The following EVI5L variants were observed in gnomAD, a reference collection of about 807,000 sequenced individuals.
The protein encoded by EVI5L is ecotropic viral integration site 5 like.
Under a neutral mutation model 106.1 loss-of-function variants are expected in EVI5L, and 30 were observed. The observed-to-expected ratio is 0.28, with a 90% CI of 0.21 to 0.38. The LOEUF (loss-of-function observed/expected upper bound fraction) is 0.38, where lower values mean the gene tolerates loss of function less well. Ranked by LOEUF, EVI5L falls within the 10% of genes least tolerant of loss-of-function variation. The probability of loss-of-function intolerance (pLI) is 1.00; values close to 1 mark genes in which losing one functional copy is unlikely to be tolerated. For missense variants in EVI5L, 809 were observed against 1,098.0 expected (o/e 0.74, Z 3.72); for synonymous variants, 489 against 483.3 (o/e 1.01, Z -0.15).
rs1187578537 is a variant in EVI5L at position 7,862,028 on chromosome 19, G to A, written c.1644+10G>A. On this transcript the variant is annotated intron_variant, in intron 15 of 19. Coordinates refer to ENST00000538904, the MANE Select transcript of EVI5L (RefSeq NM_001159944.3). ...CTCGGACACCTGGCAGGTGAGGGCC[G>A]GGTGGGCGCCGGCGGGCAGAGCGCC... 9 of 1,542,582 alleles carry A rather than the reference G, an allele frequency of 5.8e-6. No homozygotes were observed. The highest frequency in any genetic ancestry group is 2.7e-5 in the African/African-American group (2 of 72,956).
chr19:7,860,205 CCCA>C (rs1979731417), intron 13 of EVI5L, among the ~76,000 whole-genome samples: 1 of 152,178 alleles, frequency 6.6e-6, no homozygotes, highest in Admixed American at 6.5e-5. Context: ...CCCTGCCTCG[CCCA>C]CCATGTGGCT....
chr19:7,862,006 G>A lies in EVI5L; in HGVS notation c.1632G>A (p.Ser544=), dbSNP rs888332469. Residue 544 remains serine (S), a synonymous_variant, in exon 15 of 20, where the codon TCG becomes TCA. Coordinates refer to ENST00000538904, the MANE Select transcript of EVI5L (RefSeq NM_001159944.3). ...RELKLQLQEL[S]DTWQAHLARG... Reference sequence around the variant, plus strand: ...TTAAACTGCAGCTGCAGGAGCTCTCGGACACCTGGCAGGTGAGGGCCGGGT... The same window carrying A: ...TTAAACTGCAGCTGCAGGAGCTCTCAGACACCTGGCAGGTGAGGGCCGGGT... 2.5e-5 allele frequency: 38 copies of A among 1,547,160 alleles called. No individual in the cohort carries two copies. Among genetic ancestry groups the A allele is most frequent in the Non-Finnish European group, 3.1e-5 (36 of 1,145,680 alleles).
chr19:7,855,925 G>C (rs1432570507), intron 10 of EVI5L, 90 bp from the exon 11 acceptor site: 10 of 1,215,686 alleles, frequency 8.2e-6, no homozygotes, highest in Non-Finnish European at 1.1e-5. Context: ...CTGGCCCTAA[G>C]GGGACTGACC....
At position 7,858,361 on chromosome 19, in the gene EVI5L, G is replaced by A. The variant is rs754410125; in HGVS notation, c.1374+30G>A. ...GGGCGGGTGTGCGGGGCTGCTGGGC[G>A]GGGCCATGACCCGCGCCCCCGCCCC... is the stretch of plus-strand genomic sequence containing the variant. On this transcript the variant is annotated intron_variant, in intron 13 of 19. Transcript: ENST00000538904. This position sits in a 1 kb window ranked among gnomAD's most constrained non-coding sequence, Gnocchi z 5.7. 1.9e-4 allele frequency: 294 copies of A among 1,533,202 alleles called. 1 individual carries two copies. Among genetic ancestry groups the A allele is most frequent in the Middle Eastern group, 4.6e-4 (2 of 4,356 alleles). 95.0% of individuals were successfully genotyped at this position (1,533,202 alleles called of 1,614,324 possible). A position where few individuals can be genotyped will look rare whatever the true frequency, so the allele number is the denominator to read the frequency against.
At chr19:7,855,808 C>A (rs796449282) in intron 10 of EVI5L, among the ~76,000 whole-genome samples, 9 of 152,258 alleles carry the variant, frequency 5.9e-5, no homozygotes, top group African/African-American at 2.2e-4. Context: ...TGTTTTAAAA[C>A]TTTATTTTTT....
chr19:7,861,850 C>A (rs1397543833), intron 14 of EVI5L, 28 bp from the exon 15 acceptor site: 1 of 1,549,814 alleles, frequency 6.5e-7, no homozygotes, highest in Non-Finnish European at 8.7e-7. Context: ...CGCTGCTCCC[C>A]CAGGCCCTGA....
chr19:7,853,178 G>A lies in EVI5L; in HGVS notation c.1080G>A (p.Met360Ile). The A allele has an allele frequency of 6.2e-7, 1 of 1,614,104 alleles. No individual in the cohort carries two copies. Residue 360 changes from methionine to isoleucine, a missense_variant, in exon 9 of 20, where the codon ATG becomes ATA. Around this residue, in one of 2 missense-constraint regions of EVI5L, gnomAD observed 357 missense variants for 588.1 expected, o/e 0.61. Coordinates refer to ENST00000538904, the MANE Select transcript of EVI5L (RefSeq NM_001159944.3). ...AYQVKYNPKK[M>I]KRLEKEYAAM... ...AGGTCAAGTACAACCCCAAGAAGATGAAGAGGTCGGTGCCTGCTGGGCAAC... is the reference window on the plus strand; with the variant it reads ...AGGTCAAGTACAACCCCAAGAAGATAAAGAGGTCGGTGCCTGCTGGGCAAC...
intron 14 of EVI5L, among the ~76,000 whole-genome samples, chr19:7,861,258 C>T (rs555889171): frequency 6.6e-6 from 1 of 152,340 alleles, no homozygotes; most frequent in African/African-American, 2.4e-5. Flanking sequence ...CTTCCAGGCC[C>T]TCATCACCAG....
rs1979059192 is a variant in EVI5L at position 7,848,272 on chromosome 19, A to G, written c.327+351A>G. 6.6e-6 allele frequency among the ~76,000 whole-genome samples: 1 copy of G among 151,570 alleles called. No individual in the cohort carries two copies. The highest frequency in any genetic ancestry group is 2.4e-5 in the African/African-American group (1 of 41,238). On this transcript the variant is annotated intron_variant, in intron 3 of 19. Coordinates refer to ENST00000538904, the MANE Select transcript of EVI5L (RefSeq NM_001159944.3). This position sits in a 1 kb window ranked among gnomAD's most constrained non-coding sequence, Gnocchi z 4.8. ...GTTCGAGGCCAGCCTGGGCAACGTA[A>G]TGAGACTCCGACTCTATAAAAAGTT...
chr19:7,842,554 ATG>A (rs1015833752), intron 1 of EVI5L, among the ~76,000 whole-genome samples: 17 of 141,880 alleles, frequency 1.2e-4, no homozygotes, highest in African/African-American at 2.7e-4. Flanking sequence ...AAGTGTGTGT[ATG>A]TGTGTGAATT....
intron 17 of EVI5L, 138 bp downstream of exon 17, chr19:7,862,672 C>A: frequency 2.7e-6 from 2 of 750,032 alleles, no homozygotes; most frequent in South Asian, 3.6e-5. Context: ...CGCCCCCGCC[C>A]GCGGCCCCGC....
Position 7,835,760 on chromosome 19 carries a change from C to T in EVI5L, c.-48+5379C>T, listed in dbSNP as rs966683592. Among the ~76,000 whole-genome samples, 1 of 152,168 alleles carries T rather than the reference C, an allele frequency of 6.6e-6. No homozygotes were observed. Among genetic ancestry groups the T allele is most frequent in the Non-Finnish European group, 1.5e-5 (1 of 68,034 alleles). ...GGCAGCTCACCTGTCAGTTGTCCGC[C>T]CACACCTTGCCAAGGACGAGAGGAC... On this transcript the variant is annotated intron_variant, in intron 1 of 19. Transcript: ENST00000538904. The surrounding 1 kb of genome is among the most constrained non-coding windows in gnomAD (Gnocchi z 4.1).
At chr19:7,836,951 A>G (rs1398177158) in intron 1 of EVI5L, among the ~76,000 whole-genome samples, 1 of 151,832 alleles carries the variant, frequency 6.6e-6, no homozygotes, top group Non-Finnish European at 1.5e-5. Flanking sequence ...TATTTTTAAA[A>G]TAGACTTGGG....
Position 7,848,352 on chromosome 19 carries a change from G to A in EVI5L, c.327+431G>A, listed in dbSNP as rs759996242. Among the ~76,000 whole-genome samples, 20 of 152,092 alleles carry A rather than the reference G, an allele frequency of 1.3e-4. No individual in the cohort carries two copies. Among genetic ancestry groups the A allele is most frequent in the African/African-American group, 1.7e-4 (7 of 41,412 alleles). On this transcript the variant is annotated intron_variant, in intron 3 of 19. Transcript: ENST00000538904. The surrounding 1 kb of genome is among the most constrained non-coding windows in gnomAD (Gnocchi z 4.8). ...TGGCTCACGCCTGTAATCCCAGTTCGTTGGAAGGTCGAGGCAGGCAGATCA... is the reference window on the plus strand; with the variant it reads ...TGGCTCACGCCTGTAATCCCAGTTCATTGGAAGGTCGAGGCAGGCAGATCA...
intron 1 of EVI5L, among the ~76,000 whole-genome samples, chr19:7,836,385 A>G (rs1978346104): frequency 6.6e-6 from 1 of 152,232 alleles, no homozygotes; most frequent in Admixed American, 6.5e-5. Flanking sequence ...TTGAAAAATA[A>G]TGACTGTTTT....
chr19:7,831,836 C>T (rs943846441), intron 1 of EVI5L, among the ~76,000 whole-genome samples: 3 of 152,250 alleles, frequency 2.0e-5, no homozygotes, highest in Admixed American at 6.5e-5. Flanking sequence ...AGAGCTGGCC[C>T]CTGACAGCCC....
chr19:7,830,670 A>G (rs1252658480), intron 1 of EVI5L, among the ~76,000 whole-genome samples: 1 of 110,006 alleles, frequency 9.1e-6, no homozygotes, highest in African/African-American at 3.5e-5. Context: ...CACCCTTTGC[A>G]GTGACCCTCA....
intron 5 of EVI5L, 91 bp downstream of exon 5, chr19:7,849,421 C>T (rs1055919226): frequency 5.8e-6 from 8 of 1,378,474 alleles, no homozygotes; most frequent in Non-Finnish European, 8.1e-6. Flanking sequence ...GCGTGTCCTC[C>T]ACCCAGCGTC....
At position 7,851,484 on chromosome 19, in the gene EVI5L, A is replaced by G. The variant is rs746882493; in HGVS notation, c.804A>G (p.Thr268=). ...ACTTCCGTTCCCAAAGCTTCCACAC[A>G]TCCATGTATGCCTCGTCCTGGTTCC... ...NTHFRSQSFH[T]SMYASSWFLT... is the part of the protein sequence containing the mutation. Residue 268 remains threonine, a synonymous_variant, in exon 7 of 20, where the codon ACA becomes ACG. Transcript: ENST00000538904. 2 of 1,612,648 alleles carry G rather than the reference A, an allele frequency of 1.2e-6. No individual in the cohort carries two copies. Among genetic ancestry groups the G allele is most frequent in the Admixed American group, 1.7e-5 (1 of 59,820 alleles).
Sources: gnomAD v4.1 joint callset for allele counts (sites outside exome capture counted in the v4.1 genomes callset) on GRCh38, gnomAD v4.1.1 for gene constraint, gnomAD v4.1.1 regional missense constraint, Gnocchi (gnomAD v3.1) non-coding constraint, MANE v1.5 for transcripts, NCBI Gene and HGNC (gene_info 2026-07-23, HGNC 2026-07-21) for gene names.